TENM2: variants seen among roughly 807,000 people sequenced by gnomAD.
TENM2 encodes the protein teneurin-2.
In TENM2, 52 loss-of-function variants were observed where a neutral mutation model predicts 245.2. That is an observed-to-expected ratio of 0.21 (90% CI 0.17 to 0.27). TENM2 has a LOEUF of 0.27. TENM2 is among the 10% of genes least tolerant of loss of function. The probability of loss-of-function intolerance (pLI) is 1.00; values close to 1 mark genes in which losing one functional copy is unlikely to be tolerated. For synonymous variants in TENM2, 1,363 were observed against 1,438.9 expected (o/e 0.95, Z 1.19); for missense variants, 3,046 against 3,666.8 (o/e 0.83, Z 4.37).
chr5:167,860,985 T>A, intron 2 of TENM2, among the ~76,000 whole-genome samples: 1 of 125,638 alleles, frequency 8.0e-6, no homozygotes, highest in Non-Finnish European at 1.7e-5. Flanking sequence ...CCTCCACTAT[T>A]GTCCCATGAC....
chr5:168,100,086 G>A (rs1464840204), intron 9 of TENM2, among the ~76,000 whole-genome samples: 1 of 152,206 alleles, frequency 6.6e-6, no homozygotes, highest in Non-Finnish European at 1.5e-5. Context: ...TGTATCCTGA[G>A]ACTTTGCTGA....
At chr5:168,161,709 T>G (rs1757754654) in intron 12 of TENM2, among the ~76,000 whole-genome samples, 1 of 151,948 alleles carries the variant, frequency 6.6e-6, no homozygotes, top group Non-Finnish European at 1.5e-5. Flanking sequence ...CAGTCTCCCT[T>G]TGTCCAAACT....
intron 5 of TENM2, among the ~76,000 whole-genome samples, chr5:168,041,918 A>C (rs1204185808): frequency 6.6e-6 from 1 of 152,236 alleles, no homozygotes; most frequent in East Asian, 1.9e-4. Context: ...CTGATTGCAA[A>C]GGGGCCTTTG....
the TENM2 span, among the ~76,000 whole-genome samples, chr5:167,027,845 G>A: frequency 1.3e-5 from 2 of 151,992 alleles, no homozygotes; most frequent in African/African-American, 4.8e-5. Flanking sequence ...TTGGGAGGCC[G>A]AGGCAGGTGG....
Position 168,206,568 on chromosome 5 carries a change from A to T in TENM2, c.3824+1947A>T, listed in dbSNP as rs566132226. Among the ~76,000 whole-genome samples, 61 of 152,320 alleles carry T rather than the reference A, an allele frequency of 4.0e-4. 1 individual carries two copies. In the South Asian group the frequency reaches 9.3e-3, roughly 23 times the overall value. On this transcript the variant is annotated intron_variant, in intron 19 of 28. Coordinates refer to ENST00000518659, the Ensembl canonical transcript of TENM2. The stretch of plus-strand genomic sequence containing the variant: ...GGGCATGGTAACCAGAGGGTGAACA[A>T]TGAGAGCAAGAAGGACACACGTGGG...
At chr5:168,182,068 G>T (rs1490174617) in intron 13 of TENM2, among the ~76,000 whole-genome samples, 2 of 152,146 alleles carry the variant, frequency 1.3e-5, no homozygotes, top group South Asian at 2.1e-4. Flanking sequence ...GGCAGCCAGG[G>T]TATTAATGGC....
intron 2 of TENM2, among the ~76,000 whole-genome samples, chr5:167,717,930 C>A (rs1759376470): frequency 6.6e-6 from 1 of 152,180 alleles, no homozygotes; most frequent in African/African-American, 2.4e-5. Flanking sequence ...GGTAGTTCTA[C>A]CTTTGTCAAA....
At chr5:167,522,567 T>A (rs559990183) in intron 2 of TENM2, among the ~76,000 whole-genome samples, 91 of 152,244 alleles carry the variant, frequency 6.0e-4, no homozygotes, top group Non-Finnish European at 1.1e-3. Context: ...GCCTGTATTA[T>A]TTATTTTATA....
intron 5 of TENM2, among the ~76,000 whole-genome samples, chr5:168,044,895 T>C (rs1455735131): frequency 6.6e-6 from 1 of 151,992 alleles, no homozygotes. Context: ...AGCATCTCGT[T>C]TTCTTACTCA....
intron 2 of TENM2, among the ~76,000 whole-genome samples, chr5:167,440,878 CAGCG>C (rs1197898487): frequency 0.085 from 61 of 720 alleles, no homozygotes; most frequent in Admixed American, 0.49. Flanking sequence ...ATTAGAAAGG[CAGCG>C]CAGCACTGTT....
chr5:167,011,688 G>A, the TENM2 span, among the ~76,000 whole-genome samples: 1 of 152,322 alleles, frequency 6.6e-6, no homozygotes, highest in East Asian at 1.9e-4. Flanking sequence ...GAAAATTTGA[G>A]ACTACCCAGG....
chr5:167,174,072 A>G, the TENM2 span, among the ~76,000 whole-genome samples: 2 of 149,560 alleles, frequency 1.3e-5, no homozygotes, highest in Non-Finnish European at 3.0e-5. Context: ...AGACAGAGCT[A>G]TGGTGTGCAA....
At chr5:167,400,058 G>A (rs571427544) in intron 2 of TENM2, among the ~76,000 whole-genome samples, 1 of 152,256 alleles carries the variant, frequency 6.6e-6, no homozygotes, top group East Asian at 1.9e-4. Context: ...GAATTGCATA[G>A]CAAAGTATTT....
intron 20 of TENM2, 28 bp downstream of exon 22, chr5:168,211,782 A>G (rs1388703299): frequency 8.4e-6 from 11 of 1,308,728 alleles, no homozygotes; most frequent in Non-Finnish European, 1.1e-5. Flanking sequence ...TTCCCATATA[A>G]TTTGATATGG....
rs180755047 is a variant in TENM2 at position 167,873,805 on chromosome 5, G to A, written c.503-2181G>A. On this transcript the variant is annotated intron_variant, in intron 2 of 28. Coordinates refer to ENST00000518659, the Ensembl canonical transcript of TENM2. ...CCAGAACACCCAGCAAGAAAGTCAT[G>A]CCTTATATGAATCCCAAACAGCCAT... Among the ~76,000 whole-genome samples the A allele has an allele frequency of 2.6e-5, 4 of 152,264 alleles. 1 individual carries two copies. Among genetic ancestry groups the A allele is most frequent in the Non-Finnish European group, 5.9e-5 (4 of 68,020 alleles).
chr5:167,252,349 G>T, the TENM2 span, among the ~76,000 whole-genome samples: 1 of 152,110 alleles, frequency 6.6e-6, no homozygotes, highest in African/African-American at 2.4e-5. Context: ...GTTAATGTGG[G>T]CCAACCACTG....
At chr5:167,212,710 C>G in the TENM2 span, among the ~76,000 whole-genome samples, 3 of 152,108 alleles carry the variant, frequency 2.0e-5, no homozygotes, top group South Asian at 2.1e-4. Context: ...GAAGCTGAAG[C>G]CTTTCATTGA....
At chr5:167,082,374 C>A in the TENM2 span, among the ~76,000 whole-genome samples, 1 of 152,208 alleles carries the variant, frequency 6.6e-6, no homozygotes, top group Admixed American at 6.5e-5. Flanking sequence ...ACCTCCACCT[C>A]CCGGATTCAA....
chr5:168,245,403 A>T (rs755281170), intron 26 of TENM2, among the ~76,000 whole-genome samples: 6 of 152,118 alleles, frequency 3.9e-5, no homozygotes, highest in Non-Finnish European at 7.3e-5. Flanking sequence ...GCCCTAAATT[A>T]AGCCGTCAGG....
Sources: allele counts gnomAD v4.1 joint callset (sites outside exome capture counted in the v4.1 genomes callset), GRCh38; gene constraint gnomAD v4.1.1; transcripts MANE v1.5; gene names NCBI Gene and HGNC (gene_info 2026-07-23, HGNC 2026-07-21).